Variants in ARAP1 observed in about 807,000 individuals in gnomAD.
The protein encoded by ARAP1 is arf-GAP with Rho-GAP domain, ANK repeat and PH domain-containing protein 1.
A neutral mutation model predicts 172.2 loss-of-function variants in ARAP1; 76 were observed. The ratio of observed to expected loss-of-function variants is 0.44; its 90% confidence interval spans 0.37 to 0.53. The LOEUF (loss-of-function observed/expected upper bound fraction) is 0.53. Among genes scored for constraint, ARAP1 ranks in the 20% least tolerant of loss-of-function variants. ARAP1 has a pLI of 0.00. For synonymous variants in ARAP1, 804 were observed against 803.3 expected (o/e 1.00, Z -0.01); for missense variants, 1,686 against 1,977.5 (o/e 0.85, Z 2.80).
At chr11:72,694,346 C>T (rs1057403608) in intron 27 of ARAP1, among the ~76,000 whole-genome samples, 3 of 151,882 alleles carry the variant, frequency 2.0e-5, no homozygotes, top group Admixed American at 2.0e-4. Flanking sequence ...CTAGGCCCTG[C>T]ATGGCTGCCT....
At chr11:72,746,896 C>T (rs1013103731) in intron 1 of ARAP1, among the ~76,000 whole-genome samples, 1 of 152,256 alleles carries the variant, frequency 6.6e-6, no homozygotes, top group Non-Finnish European at 1.5e-5. Flanking sequence ...TGACTACAGG[C>T]AGACCCCTGC....
At chr11:72,722,196 A>AGT (rs1565226347) in intron 3 of ARAP1, 21 of 984,092 alleles carry the variant, frequency 2.1e-5, no homozygotes, top group African/African-American at 1.1e-4. Context: ...AGAGAGAGAG[A>AGT]GTGTGTGTGA....
rs2135495976 is a variant in ARAP1, at chr11:72,693,136, G to A, written c.3954+189C>T. On this transcript the variant is annotated intron_variant, in intron 29 of 34. Transcript: ENST00000393609. The surrounding 1 kb of genome is among the most constrained non-coding windows in gnomAD (Gnocchi z 4.6). ...GGTGCCAGGGCTTAGTGGGGCTACA[G>A]GGCACACTAGAGTGGCCGTCCAGGG... 1.1e-6 allele frequency: 1 copy of A among 874,414 alleles called. No individual in the cohort carries two copies. Among genetic ancestry groups the A allele is most frequent in the Non-Finnish European group, 1.7e-6 (1 of 584,868 alleles). 54.2% of individuals were successfully genotyped at this position (874,414 alleles called of 1,614,324 possible).
chr11:72,693,760 C>T lies in ARAP1; in HGVS notation c.3740G>A (p.Gly1247Glu). The stretch of plus-strand genomic sequence containing the variant: ...CACCAGGTGGCTGTCCGTGCCCAGC[C>T]CGTGCAGGATGGGCAGCACCTTCTC... Reference protein sequence around the residue: ...FAEKVLPILHGLGTDSHLVVK... With the variant: ...FAEKVLPILHELGTDSHLVVK... The change falls in exon 28 of 35, where the codon GGG (glycine) becomes GAG (glutamate). Residue 1247 changes from glycine to glutamate, a missense_variant. Physicochemically the swap from Gly to Glu is moderately conservative, Grantham distance 98. Coordinates refer to ENST00000393609, the MANE Select transcript of ARAP1 (RefSeq NM_001040118.3). The surrounding 1 kb of genome is among the most constrained non-coding windows in gnomAD (Gnocchi z 4.6). The T allele has an allele frequency of 6.2e-7, 1 of 1,610,194 alleles. No homozygotes were observed. The highest frequency in any genetic ancestry group is 8.5e-7 in the Non-Finnish European group (1 of 1,178,302).
In ARAP1 at chr11:72,695,222, G is replaced by T; in HGVS notation, c.3577-125C>A. 2 of 1,327,678 alleles carry T rather than the reference G, an allele frequency of 1.5e-6. No homozygotes were observed. Among genetic ancestry groups the T allele is most frequent in the Non-Finnish European group, 2.1e-6 (2 of 942,134 alleles). 82.2% of individuals were successfully genotyped at this position (1,327,678 alleles called of 1,614,324 possible). A position where few individuals can be genotyped will look rare whatever the true frequency, so the allele number is the denominator to read the frequency against. ...CCTTCTGGAGTCCTGGGATAGAGAG[G>T]GGTATTTCTGAGTGGTCCTTAGGAG... On this transcript the variant is annotated intron_variant, in intron 26 of 34. Coordinates refer to ENST00000393609, the MANE Select transcript of ARAP1 (RefSeq NM_001040118.3). This position sits in a 1 kb window ranked among gnomAD's most constrained non-coding sequence, Gnocchi z 4.4.
chr11:72,702,883 C>T (rs752191346), intron 15 of ARAP1, 22 bp downstream of exon 15: 11 of 1,550,998 alleles, frequency 7.1e-6, no homozygotes, highest in African/African-American at 5.5e-5. Context: ...CCTGGTGGAC[C>T]CCCACCCTCT....
At chr11:72,700,059 T>A (rs1856408384) in intron 16 of ARAP1, 1 of 164,182 alleles carries the variant, frequency 6.1e-6, no homozygotes, top group Non-Finnish European at 1.4e-5. Flanking sequence ...CTCTGCCTCC[T>A]GCTACAATGG....
intron 3 of ARAP1, among the ~76,000 whole-genome samples, chr11:72,720,505 C>T (rs981263077): frequency 6.6e-5 from 10 of 152,172 alleles, no homozygotes; most frequent in Admixed American, 5.9e-4. Context: ...TAGGGCCAGT[C>T]CTCTCCATGC....
chr11:72,687,243 G>T, intron 33 of ARAP1, 196 bp downstream of exon 33: 1 of 687,668 alleles, frequency 1.5e-6, no homozygotes, highest in Non-Finnish European at 2.5e-6. Flanking sequence ...TCTGTCCCTA[G>T]CATCCCTGGC....
Position 72,712,325 on chromosome 11 carries a change from G to A in ARAP1, c.893C>T (p.Thr298Ile), listed in dbSNP as rs200674295. The change falls in exon 7 of 35, where the codon ACC becomes ATC. Residue 298 changes from threonine (T) to isoleucine (I), a missense_variant. By Grantham distance (89) the Thr-to-Ile change is moderately conservative (BLOSUM62 -1). This residue lies in a region of ARAP1 where 688 missense variants were observed against 856.9 expected (regional missense o/e 0.80). Transcript: ENST00000393609. ...YEGVPNGGWH[T>I]SSLSLSLPST... ...GGGCAAGGACAAGCTCAGGCTGCTG[G>A]TATGCCATCCGCCACTAGCGAGAGA... The A allele has an allele frequency of 1.3e-5, 20 of 1,556,080 alleles. No homozygotes were observed. The highest frequency in any genetic ancestry group is 1.7e-5 in the Non-Finnish European group (19 of 1,146,200).
At chr11:72,729,568 G>T (rs939056206) in intron 2 of ARAP1, among the ~76,000 whole-genome samples, 1 of 151,868 alleles carries the variant, frequency 6.6e-6, no homozygotes, top group African/African-American at 2.4e-5. Context: ...CTGGGCAACA[G>T]AGAGAGACTC....
chr11:72,691,072 G>A (rs1855913864), intron 30 of ARAP1, among the ~76,000 whole-genome samples: 1 of 152,222 alleles, frequency 6.6e-6, no homozygotes, highest in Admixed American at 6.5e-5. Context: ...TCCCTGCTGA[G>A]TCCTCAAGTC....
rs1221403616 is a variant in ARAP1 at position 72,726,227 on chromosome 11, G to A, written c.509+393C>T. Among the ~76,000 whole-genome samples the A allele has an allele frequency of 2.0e-5, 3 of 151,956 alleles. No individual in the cohort carries two copies. The highest frequency in any genetic ancestry group is 4.4e-5 in the Non-Finnish European group (3 of 67,996). On this transcript the variant is annotated intron_variant, in intron 3 of 34. Transcript: ENST00000393609. The surrounding 1 kb of genome is among the most constrained non-coding windows in gnomAD (Gnocchi z 6.5). ...CCGCAGCTTTCCGTTTCCTACACAT[G>A]TTGCCTCTTGATGCCGGCATGGACC...
intron 1 of ARAP1, among the ~76,000 whole-genome samples, chr11:72,751,648 A>G (rs543931843): frequency 1.3e-5 from 2 of 151,994 alleles, no homozygotes; most frequent in East Asian, 3.9e-4. Context: ...TCCCCAGGAT[A>G]TGGGATGTGG....
Position 72,707,342 on chromosome 11 carries a change from T to G in ARAP1, c.1556A>C (p.Gln519Pro). 1.2e-6 allele frequency: 2 copies of G among 1,613,376 alleles called. No homozygotes were observed. The highest frequency in any genetic ancestry group is 1.7e-6 in the Non-Finnish European group (2 of 1,179,756). ...FSADSELEKE[Q>P]WLEAMQGAIA... ...GGCTCCCTGCATGGCCTCCAACCACTGCTCCTTCTCTAGCTCTGAGTCAGC... is the reference window on the plus strand; with the variant it reads ...GGCTCCCTGCATGGCCTCCAACCACGGCTCCTTCTCTAGCTCTGAGTCAGC... The change falls in exon 12 of 35, where the codon CAG becomes CCG. Residue 519 changes from glutamine to proline, a missense_variant. Coordinates refer to ENST00000393609, the MANE Select transcript of ARAP1 (RefSeq NM_001040118.3).
intron 3 of ARAP1, among the ~76,000 whole-genome samples, chr11:72,716,860 C>A (rs1417272934): frequency 6.6e-6 from 1 of 152,214 alleles, no homozygotes; most frequent in Non-Finnish European, 1.5e-5. Context: ...CCCTACCCAA[C>A]GGGCCTCTCT....
intron 1 of ARAP1, among the ~76,000 whole-genome samples, chr11:72,751,432 A>G (rs1672729108): frequency 6.6e-6 from 1 of 151,884 alleles, no homozygotes; most frequent in South Asian, 2.1e-4. Flanking sequence ...ACCTGTCTTC[A>G]AGGCTCTGCT....
chr11:72,729,122 CA>C (rs1273178020), intron 2 of ARAP1, among the ~76,000 whole-genome samples: 5 of 152,108 alleles, frequency 3.3e-5, no homozygotes, highest in Admixed American at 6.5e-5. Flanking sequence ...AAAGTAGACC[CA>C]AATACATATA....
intron 23 of ARAP1, among the ~76,000 whole-genome samples, 173 bp from the exon 24 acceptor site, chr11:72,696,038 A>G (rs530780801): frequency 6.6e-6 from 1 of 152,310 alleles, no homozygotes; most frequent in South Asian, 2.1e-4. Flanking sequence ...CAGGACTGGG[A>G]AGCTGGGAGA....
Sources: allele counts gnomAD v4.1 joint callset (sites outside exome capture counted in the v4.1 genomes callset), GRCh38; gene constraint gnomAD v4.1.1; regional missense constraint gnomAD v4.1.1; non-coding constraint Gnocchi (gnomAD v3.1); transcripts MANE v1.5; gene names NCBI Gene and HGNC (gene_info 2026-07-23, HGNC 2026-07-21).